Variants in PMFBP1 observed in about 807,000 individuals in gnomAD.
PMFBP1 encodes polyamine-modulated factor 1-binding protein 1.
In PMFBP1, 131 loss-of-function variants were observed where a neutral mutation model predicts 137.8. The observed-to-expected ratio is 0.95, with a 90% CI of 0.82 to 1.10. The LOEUF is 1.10. Ranked by LOEUF, PMFBP1 falls within the 50% of genes least tolerant of loss-of-function variation. PMFBP1 has a pLI of 0.00. For synonymous variants in PMFBP1, 490 were observed against 450.4 expected (o/e 1.09, Z -1.11); for missense variants, 1,199 against 1,175.4 (o/e 1.02, Z -0.29).
At chr16:72,147,062 C>T (rs1326980831) in intron 5 of PMFBP1, among the ~76,000 whole-genome samples, 2 of 152,170 alleles carry the variant, frequency 1.3e-5, no homozygotes, top group African/African-American at 4.8e-5. Context: ...GCCCGCATAG[C>T]CAAGACAATC....
chr16:72,220,939 G>T, the PMFBP1 span, among the ~76,000 whole-genome samples: 4 of 152,252 alleles, frequency 2.6e-5, no homozygotes, highest in South Asian at 6.2e-4. Flanking sequence ...TAGGTCCACT[G>T]ACTGCTCCCC....
In PMFBP1 at chr16:72,125,329, T is replaced by C; in HGVS notation, c.2330A>G (p.Glu777Gly). 1 of 1,614,166 alleles carries C rather than the reference T, an allele frequency of 6.2e-7. No homozygotes were observed. The highest frequency in any genetic ancestry group is 8.5e-7 in the Non-Finnish European group (1 of 1,180,028). The part of the protein sequence containing the change: ...TQTQEKKAQL[E>G]EEIIAYEERM... ...TTCCTCATAAGCAATGATTTCCTCT[T>C]CCAGCTGAGCTTTCTTCTCTTGGGT... The change falls in exon 16 of 21, where the codon GAA becomes GGA. Residue 777 changes from glutamate (E) to glycine (G), a missense_variant. Physicochemically the swap from Glu to Gly is moderately conservative, Grantham distance 98 (BLOSUM62 -2). Transcript: ENST00000237353.
the PMFBP1 span, among the ~76,000 whole-genome samples, chr16:72,207,901 T>G: frequency 0.04 from 6,012 of 152,060 alleles, 393 homozygotes; most frequent in African/African-American, 0.14. Flanking sequence ...TACCTGAGCA[T>G]AGTACAAATT....
chr16:72,209,417 ATT>A, the PMFBP1 span, among the ~76,000 whole-genome samples: 2 of 152,060 alleles, frequency 1.3e-5, no homozygotes, highest in Non-Finnish European at 2.9e-5. Flanking sequence ...GTTATTATAT[ATT>A]GTTATCATAT....
downstream of PMFBP1, among the ~76,000 whole-genome samples, chr16:72,118,623 C>CA (rs1458733901): frequency 6.6e-6 from 1 of 152,164 alleles, no homozygotes. Context: ...GACATGTACT[C>CA]AGTTTAACAA....
the PMFBP1 span, among the ~76,000 whole-genome samples, chr16:72,199,207 C>A: frequency 6.6e-6 from 1 of 152,160 alleles, no homozygotes; most frequent in Non-Finnish European, 1.5e-5. Context: ...GGAGCATCTT[C>A]CGTGGCTGAC....
At chr16:72,220,460 G>A in the PMFBP1 span, among the ~76,000 whole-genome samples, 2 of 152,054 alleles carry the variant, frequency 1.3e-5, no homozygotes, top group Admixed American at 6.5e-5. Context: ...CCATGAATAG[G>A]AAAAAAATGT....
At chr16:72,218,386 G>A in the PMFBP1 span, among the ~76,000 whole-genome samples, 17,025 of 151,626 alleles carry the variant, frequency 0.11, 1,308 homozygotes, top group Non-Finnish European at 0.17. Flanking sequence ...GGAGTGCAGT[G>A]GCGCGGTCTT....
At chr16:72,211,828 C>T in the PMFBP1 span, among the ~76,000 whole-genome samples, 2 of 151,882 alleles carry the variant, frequency 1.3e-5, no homozygotes, top group Non-Finnish European at 2.9e-5. Context: ...AACCTTGTTT[C>T]TACAAAAAAT....
At chr16:72,125,037 G>T in intron 16 of PMFBP1, 103 bp from the exon 17 acceptor site, 4 of 1,456,558 alleles carry the variant, frequency 2.7e-6, no homozygotes, top group South Asian at 1.3e-5. Flanking sequence ...ATACGTGTTG[G>T]GGGTATTTTC....
chr16:72,237,383 G>C, the PMFBP1 span, among the ~76,000 whole-genome samples: 1 of 151,906 alleles, frequency 6.6e-6, no homozygotes, highest in Non-Finnish European at 1.5e-5. Flanking sequence ...CTAGGGTTTG[G>C]CCTGCTTTCC....
the PMFBP1 span, among the ~76,000 whole-genome samples, chr16:72,189,937 G>A: frequency 3.3e-4 from 50 of 152,196 alleles, no homozygotes; most frequent in Non-Finnish European, 6.9e-4. Context: ...TCTGCCTCTG[G>A]GTGAGTGTCA....
chr16:72,138,455 A>T (rs887536355), intron 7 of PMFBP1, among the ~76,000 whole-genome samples: 1 of 152,142 alleles, frequency 6.6e-6, no homozygotes, highest in Non-Finnish European at 1.5e-5. Context: ...ACTTAACAGG[A>T]CCTCACCTAA....
chr16:72,198,287 A>G, the PMFBP1 span, among the ~76,000 whole-genome samples: 2 of 152,142 alleles, frequency 1.3e-5, no homozygotes, highest in Non-Finnish European at 1.5e-5. Context: ...GCTTCCAGCT[A>G]TTGTGCAGAA....
At chr16:72,159,048 G>C (rs1428189357) in intron 3 of PMFBP1, among the ~76,000 whole-genome samples, 1 of 152,166 alleles carries the variant, frequency 6.6e-6, no homozygotes, top group Non-Finnish European at 1.5e-5. Context: ...GGCTTTGTAA[G>C]CATCTGTCCA....
intron 5 of PMFBP1, among the ~76,000 whole-genome samples, chr16:72,149,478 A>G (rs1348214588): frequency 1.3e-5 from 2 of 152,230 alleles, no homozygotes; most frequent in African/African-American, 4.8e-5. Flanking sequence ...GTCAATAGGT[A>G]GTACATCCCT....
At chr16:72,210,691 T>C in the PMFBP1 span, among the ~76,000 whole-genome samples, 2 of 152,202 alleles carry the variant, frequency 1.3e-5, no homozygotes, top group Non-Finnish European at 2.9e-5. Context: ...CAGCTTTCTC[T>C]GATGTAATAG....
At chr16:72,128,910 G>T in intron 13 of PMFBP1, 116 bp from the exon 14 acceptor site, 1 of 1,514,318 alleles carries the variant, frequency 6.6e-7, no homozygotes, top group Non-Finnish European at 8.9e-7. Context: ...CGGGAGCTCA[G>T]GCATTCTCGC....
intron 4 of PMFBP1, among the ~76,000 whole-genome samples, chr16:72,153,704 T>C (rs968176079): frequency 2.0e-5 from 3 of 149,486 alleles, no homozygotes; most frequent in Non-Finnish European, 4.4e-5. Flanking sequence ...AAAACTCCAG[T>C]CTGAAAAAAT....
Sources: allele counts gnomAD v4.1 joint callset (sites outside exome capture counted in the v4.1 genomes callset), GRCh38; gene constraint gnomAD v4.1.1; transcripts MANE v1.5; gene names NCBI Gene and HGNC (gene_info 2026-07-23, HGNC 2026-07-21).